Variants in NTSR1 observed in about 807,000 individuals in gnomAD.
The protein encoded by NTSR1 is neurotensin receptor 1.
A neutral mutation model predicts 31.2 loss-of-function variants in NTSR1; 29 were observed. The ratio of observed to expected loss-of-function variants is 0.93; its 90% CI spans 0.69 to 1.27. NTSR1 has a LOEUF of 1.27. Among genes scored for constraint, NTSR1 ranks in the 50% most tolerant of loss-of-function variants. The pLI is 0.00. For synonymous variants in NTSR1, 282 were observed against 269.9 expected, an observed-to-expected ratio of 1.04 and a Z score of -0.44; for missense variants, 697 against 595.4, an observed-to-expected ratio of 1.17 and a Z score of -1.78.
chr20:62,760,083 C>T lies in NTSR1; in HGVS notation c.1073C>T (p.Thr358Ile). Residue 358 changes from threonine (T) to isoleucine (I), a missense_variant, in exon 4 of 4, where the codon ACC (threonine) becomes ATC (isoleucine). Transcript: ENST00000370501. ...AACGCACTCTTCTACGTCAGCTCCA[C>T]CATCAACCCCATCCTGTACAACCTC... ...VTNALFYVSS[T>I]INPILYNLVS... is the part of the protein sequence containing the mutation. 1 of 1,614,140 alleles carries T rather than the reference C, an allele frequency of 6.2e-7. No individual in the cohort carries two copies. Among genetic ancestry groups the T allele is most frequent in the African/African-American group, 1.3e-5 (1 of 75,046 alleles).
At chr20:62,738,141 C>T (rs1234267451) in intron 1 of NTSR1, among the ~76,000 whole-genome samples, 1 of 128,688 alleles carries the variant, frequency 7.8e-6, no homozygotes, top group Non-Finnish European at 1.8e-5. Context: ...GAAGGCTCCA[C>T]GAGGCGGGCC....
rs144370300 is a variant in NTSR1, at chr20:62,709,804, G to A, written c.597G>A (p.Leu199=). Residue 199 remains leucine, a synonymous_variant, in exon 1 of 4, where the codon CTG becomes CTA. Coordinates refer to ENST00000370501, the MANE Select transcript of NTSR1 (RefSeq NM_002531.3). Reference sequence around the variant, plus strand: ...CCATCTGGCTCGCCTCGGCCCTGCTGGCGGTGCCTATGCTGTTCACCATGG... The same window carrying A: ...CCATCTGGCTCGCCTCGGCCCTGCTAGCGGTGCCTATGCTGTTCACCATGG... ...ISAIWLASAL[L]AVPMLFTMGE... The A allele has an allele frequency of 3.7e-6, 6 of 1,612,794 alleles. No homozygotes were observed. In the African/African-American group the frequency reaches 5.3e-5, roughly 14 times the overall value.
At chr20:62,730,501 T>TGA (rs775406139) in intron 1 of NTSR1, among the ~76,000 whole-genome samples, 16 of 152,264 alleles carry the variant, frequency 1.1e-4, no homozygotes, top group African/African-American at 3.9e-4. Flanking sequence ...ACTCAGCTAT[T>TGA]GATGGACATC....
At chr20:62,753,885 G>C (rs1012167379) in intron 1 of NTSR1, among the ~76,000 whole-genome samples, 7 of 152,340 alleles carry the variant, frequency 4.6e-5, no homozygotes, top group Admixed American at 2.6e-4. Flanking sequence ...CTGCCCATCT[G>C]GGGAAGTCAC....
In NTSR1 at chr20:62,735,585, C is replaced by T. The variant is rs189882262; in HGVS notation, c.715-19100C>T. Among the ~76,000 whole-genome samples, 517 of 152,288 alleles carry T rather than the reference C, an allele frequency of 3.4e-3. 6 individuals are homozygous for T. Among genetic ancestry groups the T allele is most frequent in the African/African-American group, 0.011 (437 of 41,554 alleles). ...GAGTGAGATGAATTCCTTCTGTGGGCGGGGATGATTCAGAGAGAGGCGTCC... is the reference window on the plus strand; with the variant it reads ...GAGTGAGATGAATTCCTTCTGTGGGTGGGGATGATTCAGAGAGAGGCGTCC... On this transcript the variant is annotated intron_variant, in intron 1 of 3. Coordinates refer to ENST00000370501, the MANE Select transcript of NTSR1 (RefSeq NM_002531.3).
At chr20:62,718,486 G>T (rs909014335) in intron 1 of NTSR1, among the ~76,000 whole-genome samples, 1 of 152,132 alleles carries the variant, frequency 6.6e-6, no homozygotes, top group Non-Finnish European at 1.5e-5. Context: ...ATGCAGCCAT[G>T]TATCCCCACT....
rs1989235032 is a variant in NTSR1, at chr20:62,743,209, T to C, written c.715-11476T>C. Among the ~76,000 whole-genome samples, 1 of 149,232 alleles carries C rather than the reference T, an allele frequency of 6.7e-6. No individual in the cohort carries two copies. The highest frequency in any genetic ancestry group is 1.5e-5 in the Non-Finnish European group (1 of 67,966). ...CCGGTCCAGTCAGCTGAGTGCCCCG[T>C]GGTGTGGGTGCGTCATGCCATGGCG... On this transcript the variant is annotated intron_variant, in intron 1 of 3. Coordinates refer to ENST00000370501, the MANE Select transcript of NTSR1 (RefSeq NM_002531.3). This position sits in a 1 kb window ranked among gnomAD's most constrained non-coding sequence, Gnocchi z 7.5.
At chr20:62,746,207 C>T (rs999539735) in intron 1 of NTSR1, among the ~76,000 whole-genome samples, 2 of 152,164 alleles carry the variant, frequency 1.3e-5, no homozygotes, top group Non-Finnish European at 2.9e-5. Flanking sequence ...CAGTTCTCAC[C>T]CCCTGAGTTC....
chr20:62,730,732 G>T (rs140865727), intron 1 of NTSR1, among the ~76,000 whole-genome samples: 1 of 152,210 alleles, frequency 6.6e-6, no homozygotes, highest in African/African-American at 2.4e-5. Flanking sequence ...CTGTTGCTCC[G>T]CAGCCTTGCC....
intron 1 of NTSR1, among the ~76,000 whole-genome samples, chr20:62,725,805 G>A (rs1472759509): frequency 6.6e-6 from 1 of 152,110 alleles, no homozygotes; most frequent in African/African-American, 2.4e-5. Flanking sequence ...GAGAAGAAGG[G>A]AGGTGGAAGA....
rs991584148 is a variant in NTSR1 at position 62,732,738 on chromosome 20, G to A, written c.715-21947G>A. ...GGCCTCGTAGAGTGAGTTATAAAGT[G>A]TTCCTCTGCTTCTATTTCCTGGAAG... On this transcript the variant is annotated intron_variant, in intron 1 of 3. Coordinates refer to ENST00000370501, the MANE Select transcript of NTSR1 (RefSeq NM_002531.3). This position sits in a 1 kb window ranked among gnomAD's most constrained non-coding sequence, Gnocchi z 4.0. 1 of 152,198 alleles carries A rather than the reference G, an allele frequency of 6.6e-6. No homozygotes were observed. Among genetic ancestry groups the A allele is most frequent in the Non-Finnish European group, 1.5e-5 (1 of 68,052 alleles). The allele number at this position is 152,198 out of a possible 1,614,324, so 9.4% of individuals were successfully genotyped here.
intron 1 of NTSR1, among the ~76,000 whole-genome samples, chr20:62,729,489 G>A (rs984443432): frequency 1.9e-4 from 29 of 152,154 alleles, no homozygotes; most frequent in African/African-American, 7.0e-4. Flanking sequence ...AGGTGACACA[G>A]GTGTAGCTCA....
chr20:62,726,496 G>A (rs1422667018), intron 1 of NTSR1, among the ~76,000 whole-genome samples: 2 of 152,134 alleles, frequency 1.3e-5, no homozygotes, highest in Non-Finnish European at 2.9e-5. Flanking sequence ...CCTGCCCACC[G>A]GTCCCCAGGA....
rs1206832087 is a variant in NTSR1 at position 62,733,115 on chromosome 20, T to A, written c.715-21570T>A. 1 of 151,906 alleles carries A rather than the reference T, an allele frequency of 6.6e-6. No individual in the cohort carries two copies. The highest frequency in any genetic ancestry group is 1.5e-5 in the Non-Finnish European group (1 of 67,986). 9.4% of individuals were successfully genotyped at this position (151,906 alleles called of 1,614,324 possible). A position where few individuals can be genotyped will look rare whatever the true frequency, so the allele number is the denominator to read the frequency against. On this transcript the variant is annotated intron_variant, in intron 1 of 3. Coordinates refer to ENST00000370501, the MANE Select transcript of NTSR1 (RefSeq NM_002531.3). The surrounding 1 kb of genome is among the most constrained non-coding windows in gnomAD (Gnocchi z 5.2). ...AGTGCCGTGCATATTCATGTCGGCA[T>A]TGGACTTGCAAATTCTGAGTGAAGT...
At position 62,709,681 on chromosome 20, in the gene NTSR1, C is replaced by G; in HGVS notation, c.474C>G (p.Asn158Lys). The G allele has an allele frequency of 6.2e-7, 1 of 1,612,798 alleles. No individual in the cohort carries two copies. Among genetic ancestry groups the G allele is most frequent in the Non-Finnish European group, 8.5e-7 (1 of 1,179,896 alleles). The change falls in exon 1 of 4, where the codon AAC becomes AAG. Residue 158 changes from asparagine (N) to lysine (K), a missense_variant. Transcript: ENST00000370501. ...RDACTYATAL[N>K]VASLSVERYL... ...CCTGCACCTACGCCACGGCCCTCAA[C>G]GTGGCCAGCCTGAGTGTGGAGCGCT...
At position 62,709,250 on chromosome 20, in the gene NTSR1, G is replaced by A. The variant is rs1329893922; in HGVS notation, c.43G>A (p.Ala15Thr). ...CGCGCCGGGAACCCCGGGCACGCCGGCCGCCGACCCCTTCCAGCGGGCGCA... is the reference window on the plus strand; with the variant it reads ...CGCGCCGGGAACCCCGGGCACGCCGACCGCCGACCCCTTCCAGCGGGCGCA... The part of the protein sequence containing the change: ...SSAPGTPGTP[A>T]ADPFQRAQAG... Residue 15 changes from alanine to threonine, a missense_variant, in exon 1 of 4, where the codon GCC becomes ACC. Ala to Thr is a moderately conservative substitution (Grantham distance 58). Transcript: ENST00000370501. The A allele has an allele frequency of 3.3e-6, 5 of 1,516,972 alleles. No homozygotes were observed. Among genetic ancestry groups the A allele is most frequent in the South Asian group, 1.2e-5 (1 of 80,860 alleles). The allele number at this position is 1,516,972 out of a possible 1,614,324, so 94.0% of individuals were successfully genotyped here. A position where few individuals can be genotyped will look rare whatever the true frequency, so the allele number is the denominator to read the frequency against.
chr20:62,730,383 C>T lies in NTSR1; in HGVS notation c.714+20462C>T, dbSNP rs550554315. Among the ~76,000 whole-genome samples the T allele has an allele frequency of 1.4e-4, 21 of 152,332 alleles. No individual in the cohort carries two copies. The South Asian group carries it at 3.9e-3, about 29-fold the overall frequency. On this transcript the variant is annotated intron_variant, in intron 1 of 3. Coordinates refer to ENST00000370501, the MANE Select transcript of NTSR1 (RefSeq NM_002531.3). ...CTTTTCAGACCAGCTTCTTTCCCTT[C>T]GCAGTATGTAGTTGAGGTTTCTCCC... is the stretch of plus-strand genomic sequence containing the variant.
Position 62,760,452 on chromosome 20 carries a change from C to A in NTSR1, c.*185C>A, listed in dbSNP as rs546853455. 13 of 584,268 alleles carry A rather than the reference C, an allele frequency of 2.2e-5. No individual in the cohort carries two copies. In the Admixed American group the frequency reaches 2.9e-4, roughly 13 times the overall value. 36.2% of individuals were successfully genotyped at this position (584,268 alleles called of 1,614,324 possible). A position where few individuals can be genotyped will look rare whatever the true frequency, so the allele number is the denominator to read the frequency against. On this transcript the variant is annotated 3_prime_UTR_variant, in exon 4 of 4. Coordinates refer to ENST00000370501, the MANE Select transcript of NTSR1 (RefSeq NM_002531.3). ...ATGTTTCTCATTAGTGTCTCCCGGGCCTGTCCCCAACTCCTCCCCACCCCT... is the reference window on the plus strand; with the variant it reads ...ATGTTTCTCATTAGTGTCTCCCGGGACTGTCCCCAACTCCTCCCCACCCCT...
intron 1 of NTSR1, among the ~76,000 whole-genome samples, chr20:62,730,469 A>G (rs1460076477): frequency 6.6e-6 from 1 of 152,092 alleles, no homozygotes; most frequent in Non-Finnish European, 1.5e-5. Flanking sequence ...CATTATCTGG[A>G]TGTCCCCCAG....
Sources: allele counts gnomAD v4.1 joint callset (sites outside exome capture counted in the v4.1 genomes callset), GRCh38; gene constraint gnomAD v4.1.1; non-coding constraint Gnocchi (gnomAD v3.1); transcripts MANE v1.5; gene names NCBI Gene and HGNC (gene_info 2026-07-23, HGNC 2026-07-21).